The following BRAF variants were observed in gnomAD, a reference collection of about 807,000 sequenced individuals.
BRAF encodes B-Raf proto-oncogene, serine/threonine kinase.
BRAF carries 16 observed loss-of-function variants against 104.6 expected under a neutral mutation model. The observed-to-expected ratio is 0.15, with a 90% CI of 0.10 to 0.23. BRAF has a LOEUF of 0.23. BRAF is among the 10% of genes least tolerant of loss of function. The pLI is 1.00. For missense variants in BRAF, 541 were observed against 937.3 expected (o/e 0.58, Z 5.52); for synonymous variants, 310 against 341.6 (o/e 0.91, Z 1.02).
chr7:140,871,757 T>C (rs1378328935), intron 1 of BRAF, among the ~76,000 whole-genome samples: 2 of 152,330 alleles, frequency 1.3e-5, no homozygotes, highest in African/African-American at 4.8e-5. Context: ...TATTTAATTT[T>C]ATATAAACTA....
chr7:140,725,468 TAATAAA>T lies in BRAF; in HGVS notation c.*1020_*1025del. 1 of 934,846 alleles carries T rather than the reference TAATAAA, an allele frequency of 1.1e-6. No homozygotes were observed. The highest frequency in any genetic ancestry group is 1.3e-6 in the Non-Finnish European group (1 of 768,104). The allele number at this position is 934,846 out of a possible 1,614,324, so 57.9% of individuals were successfully genotyped here. Reference sequence around the variant, plus strand: ...TTAAATCTGAAAATTATTTTCTTTTTAATAAAAATAGAAAAGAAGAAACTCAGAAAT... The same window carrying T: ...TTAAATCTGAAAATTATTTTCTTTTTAATAGAAAAGAAGAAACTCAGAAAT... On this transcript the variant is annotated 3_prime_UTR_variant, in exon 20 of 20. Transcript: ENST00000644969.
chr7:140,909,845 CAA>C (rs200071347), intron 1 of BRAF, among the ~76,000 whole-genome samples: 6 of 146,840 alleles, frequency 4.1e-5, no homozygotes, highest in Admixed American at 1.3e-4. Flanking sequence ...ACAACAACAA[CAA>C]AAAAGTGCCT....
intron 1 of BRAF, among the ~76,000 whole-genome samples, chr7:140,922,455 C>A (rs936527639): frequency 6.6e-6 from 1 of 152,188 alleles, no homozygotes; most frequent in African/African-American, 2.4e-5. Flanking sequence ...TTCACAAAAG[C>A]CTTCTTTACA....
intron 1 of BRAF, among the ~76,000 whole-genome samples, chr7:140,878,135 T>C (rs983426388): frequency 1.3e-5 from 2 of 151,316 alleles, no homozygotes; most frequent in Non-Finnish European, 2.9e-5. Context: ...ACAAGAAAAA[T>C]TAGAAAATAC....
At position 140,924,349 on chromosome 7, in the gene BRAF, G is replaced by A. The variant is rs541840926; in HGVS notation, c.138+217C>T. Among the ~76,000 whole-genome samples, 1 of 152,268 alleles carries A rather than the reference G, an allele frequency of 6.6e-6. No individual in the cohort carries two copies. Among genetic ancestry groups the A allele is most frequent in the South Asian group, 2.1e-4 (1 of 4,828 alleles). On this transcript the variant is annotated intron_variant, in intron 1 of 19. Coordinates refer to ENST00000644969, the MANE Select transcript of BRAF (RefSeq NM_001374258.1). This position sits in a 1 kb window ranked among gnomAD's most constrained non-coding sequence, Gnocchi z 4.2. ...CCCAATCCCCACATCTGGGGTGGGG[G>A]CCAGGGAAACCCCCCGGGCCATTGT...
chr7:140,774,548 C>T (rs563205300), intron 14 of BRAF, among the ~76,000 whole-genome samples: 24 of 152,260 alleles, frequency 1.6e-4, no homozygotes, highest in South Asian at 6.2e-4. Flanking sequence ...GACAGGGTCT[C>T]GCTCTGTTAC....
Position 140,719,561 on chromosome 7 carries a change from G to A in BRAF, c.*6933C>T. 9.5e-7 allele frequency: 1 copy of A among 1,052,094 alleles called. No homozygotes were observed. 65.2% of individuals were successfully genotyped at this position (1,052,094 alleles called of 1,614,324 possible). ...ATGAGAAAAACTCCAAAGTACAAAT[G>A]AAGGGACCTGAGCAGGAAAGAGAAC... On this transcript the variant is annotated 3_prime_UTR_variant, in exon 20 of 20. Transcript: ENST00000644969.
At chr7:140,794,488 G>A in intron 7 of BRAF, 21 bp from the exon 8 acceptor site, 1 of 1,612,348 alleles carries the variant, frequency 6.2e-7, no homozygotes, top group Non-Finnish European at 8.5e-7. Flanking sequence ...GAAGTCATTG[G>A]AAGATAAGAT....
intron 17 of BRAF, chr7:140,749,080 C>T: frequency 1.9e-6 from 1 of 535,446 alleles, no homozygotes; most frequent in Non-Finnish European, 3.3e-6. Flanking sequence ...AATTTTATTC[C>T]ATTGTAACAT....
At chr7:140,888,765 G>T (rs1235170445) in intron 1 of BRAF, among the ~76,000 whole-genome samples, 1 of 151,954 alleles carries the variant, frequency 6.6e-6, no homozygotes, top group African/African-American at 2.4e-5. Flanking sequence ...AATCTGGGAG[G>T]TGGAGGTTGC....
intron 14 of BRAF, chr7:140,758,195 T>C (rs1393659551): frequency 3.3e-5 from 5 of 152,200 alleles, no homozygotes; most frequent in Non-Finnish European, 7.3e-5. Flanking sequence ...AGTCTCTCCT[T>C]GGGTGACCAC....
intron 2 of BRAF, chr7:140,836,166 T>C (rs1421189063): frequency 6.6e-6 from 1 of 152,180 alleles, no homozygotes; most frequent in Non-Finnish European, 1.5e-5. Flanking sequence ...TAGATAGGTA[T>C]AGCTCAATGT....
At chr7:140,794,255 A>T in intron 8 of BRAF, 53 bp downstream of exon 8, 1 of 1,595,974 alleles carries the variant, frequency 6.3e-7, no homozygotes, top group South Asian at 1.1e-5. Context: ...ATAGCAGAAA[A>T]ATAAAGATAC....
At chr7:140,844,154 C>T (rs866045167) in intron 2 of BRAF, among the ~76,000 whole-genome samples, 3 of 152,298 alleles carry the variant, frequency 2.0e-5, no homozygotes, top group South Asian at 2.1e-4. Context: ...CTTCCCCTCC[C>T]TTGTCCAAGT....
chr7:140,851,010 T>A (rs948456176), intron 1 of BRAF, among the ~76,000 whole-genome samples: 2 of 152,090 alleles, frequency 1.3e-5, no homozygotes, highest in African/African-American at 4.8e-5. Flanking sequence ...GACAATTAAA[T>A]AGGGAAATTC....
chr7:140,749,610 C>CATA lies in BRAF; in HGVS notation c.1981-193_1981-192insTAT, dbSNP rs755968318. Among the ~76,000 whole-genome samples the CATA allele has an allele frequency of 7.9e-5, 12 of 152,246 alleles. 1 individual carries two copies. In the South Asian group the frequency reaches 8.3e-4, roughly 11 times the overall value. ...AAACCTCTACATACTCAGAAAGAGA[C>CATA]AGTATTAGCAGAGATTTTGTATTGT... On this transcript the variant is annotated intron_variant, in intron 16 of 19. Transcript: ENST00000644969.
Position 140,725,195 on chromosome 7 carries a change from AAAG to A in BRAF, c.*1296_*1298del, listed in dbSNP as rs1179877157. On this transcript the variant is annotated 3_prime_UTR_variant, in exon 20 of 20. Coordinates refer to ENST00000644969, the MANE Select transcript of BRAF (RefSeq NM_001374258.1). ...TTGCATATTCTAGATAAAAGACTAGAAAGAAGATGTGGGATATAGTGTTAGGAA... is the reference window on the plus strand; with the variant it reads ...TTGCATATTCTAGATAAAAGACTAGAAAGATGTGGGATATAGTGTTAGGAA... 6.7e-6 allele frequency: 7 copies of A among 1,043,628 alleles called. No individual in the cohort carries two copies. The Middle Eastern group carries it at 1.3e-3, about 195-fold the overall frequency. The allele number at this position is 1,043,628 out of a possible 1,614,324, so 64.6% of individuals were successfully genotyped here. A position where few individuals can be genotyped will look rare whatever the true frequency, so the allele number is the denominator to read the frequency against.
At chr7:140,840,746 G>A (rs1288522165) in intron 2 of BRAF, among the ~76,000 whole-genome samples, 1 of 151,114 alleles carries the variant, frequency 6.6e-6, no homozygotes, top group Non-Finnish European at 1.5e-5. Flanking sequence ...AGTCGAGATG[G>A]TGCCCCTGCA....
intron 7 of BRAF, chr7:140,799,804 A>T (rs1802896567): frequency 4.2e-6 from 1 of 240,520 alleles, no homozygotes; most frequent in Non-Finnish European, 8.2e-6. Flanking sequence ...CTATTTTTAC[A>T]TTGTTTGCCA....
Sources: gnomAD v4.1 joint callset for allele counts (sites outside exome capture counted in the v4.1 genomes callset) on GRCh38, gnomAD v4.1.1 for gene constraint, Gnocchi (gnomAD v3.1) non-coding constraint, MANE v1.5 for transcripts, NCBI Gene and HGNC (gene_info 2026-07-23, HGNC 2026-07-21) for gene names.